The following PRKRIP1 variants were observed in gnomAD, a reference collection of about 807,000 sequenced individuals.
The protein encoded by PRKRIP1 is PRKR interacting protein 1.
A neutral mutation model predicts 29.3 loss-of-function variants in PRKRIP1; 29 were observed. The observed-to-expected ratio is 0.99, with a 90% CI of 0.74 to 1.35. The LOEUF (loss-of-function observed/expected upper bound fraction) is 1.35, where lower values mean the gene tolerates loss of function less well. Ranked by LOEUF, PRKRIP1 falls within the 40% of genes most tolerant of loss-of-function variation. The pLI is 0.00. For missense variants in PRKRIP1, 247 were observed against 236.8 expected (o/e 1.04, Z -0.28); for synonymous variants, 90 against 85.1 (o/e 1.06, Z -0.32).
At chr7:102,406,408 ATTG>A (rs1302383371) in intron 4 of PRKRIP1, among the ~76,000 whole-genome samples, 4 of 152,180 alleles carry the variant, frequency 2.6e-5, no homozygotes, top group Non-Finnish European at 5.9e-5. Context: ...GAAATGGTTC[ATTG>A]TTGTTGCGTA....
chr7:102,404,766 T>A, intron 4 of PRKRIP1, 83 bp downstream of exon 4: 1 of 991,276 alleles, frequency 1.0e-6, no homozygotes, highest in Non-Finnish European at 1.6e-6. Context: ...CAGTAGTAGT[T>A]CCTCTGCATG....
At chr7:102,412,883 G>T (rs1796427571) in intron 5 of PRKRIP1, among the ~76,000 whole-genome samples, 1 of 152,296 alleles carries the variant, frequency 6.6e-6, no homozygotes, top group South Asian at 2.1e-4. Context: ...TGGGACTTGT[G>T]TCTGAAATGA....
At chr7:102,407,761 A>G (rs1428293639) in intron 5 of PRKRIP1, among the ~76,000 whole-genome samples, 2 of 136,414 alleles carry the variant, frequency 1.5e-5, no homozygotes. Flanking sequence ...CAGTGACATT[A>G]TTGGTTATTG....
intron 2 of PRKRIP1, among the ~76,000 whole-genome samples, chr7:102,398,795 T>A (rs1409299626): frequency 6.6e-6 from 1 of 152,188 alleles, no homozygotes; most frequent in Non-Finnish European, 1.5e-5. Context: ...GTTTTCTTTA[T>A]ACTCTACTGT....
intron 3 of PRKRIP1, among the ~76,000 whole-genome samples, chr7:102,400,539 G>A (rs1269031854): frequency 6.6e-6 from 1 of 152,112 alleles, no homozygotes; most frequent in Non-Finnish European, 1.5e-5. Context: ...TTATCTGGTT[G>A]GGGTCACGGT....
chr7:102,422,291 C>CAGA (rs1338396936), intron 5 of PRKRIP1, among the ~76,000 whole-genome samples: 3 of 151,412 alleles, frequency 2.0e-5, no homozygotes, highest in Non-Finnish European at 4.4e-5. Context: ...TCTCCTGCTT[C>CAGA]AGCCTCCCAA....
At chr7:102,402,490 G>A (rs1554571292) in intron 3 of PRKRIP1, among the ~76,000 whole-genome samples, 1 of 152,032 alleles carries the variant, frequency 6.6e-6, no homozygotes, top group South Asian at 2.1e-4. Flanking sequence ...GAAAGGAAAA[G>A]AAACTACTAT....
chr7:102,421,958 G>GCCCGTC (rs1343689204), intron 5 of PRKRIP1, among the ~76,000 whole-genome samples: 1 of 151,934 alleles, frequency 6.6e-6, no homozygotes, highest in East Asian at 1.9e-4. Context: ...TGTATGAATG[G>GCCCGTC]CCCGTCATAT....
At chr7:102,404,494 C>CA in intron 3 of PRKRIP1, 104 bp from the exon 4 acceptor site, 1 of 872,848 alleles carries the variant, frequency 1.1e-6, no homozygotes, top group Non-Finnish European at 1.8e-6. Flanking sequence ...GCCTCCGTCA[C>CA]CCCCAGTGGT....
chr7:102,417,794 T>C (rs150149954), intron 5 of PRKRIP1, among the ~76,000 whole-genome samples: 19 of 151,910 alleles, frequency 1.3e-4, no homozygotes, highest in Non-Finnish European at 2.4e-4. Flanking sequence ...AGTTTTAAAA[T>C]TTTTTTGTAG....
At chr7:102,419,799 G>T (rs782035490) in intron 5 of PRKRIP1, among the ~76,000 whole-genome samples, 1 of 151,452 alleles carries the variant, frequency 6.6e-6, no homozygotes, top group African/African-American at 2.4e-5. Flanking sequence ...GGTGATTATG[G>T]ATAAAGCTTC....
chr7:102,419,892 TGTG>T (rs1563623636), intron 5 of PRKRIP1, among the ~76,000 whole-genome samples: 16 of 132,574 alleles, frequency 1.2e-4, no homozygotes, highest in African/African-American at 4.6e-4. Context: ...TGTGTGTGTG[TGTG>T]TTTTTGAGAT....
intron 4 of PRKRIP1, among the ~76,000 whole-genome samples, chr7:102,406,957 C>T (rs540488314): frequency 3.0e-4 from 45 of 151,764 alleles, no homozygotes; most frequent in South Asian, 1.0e-3. Flanking sequence ...GGCTCACACC[C>T]GTAATCCCAG....
At chr7:102,416,613 AG>A (rs1554573146) in intron 5 of PRKRIP1, among the ~76,000 whole-genome samples, 1 of 151,312 alleles carries the variant, frequency 6.6e-6, no homozygotes, top group Non-Finnish European at 1.5e-5. Flanking sequence ...AGGACCACAG[AG>A]GGAAAGCACC....
intron 2 of PRKRIP1, among the ~76,000 whole-genome samples, chr7:102,397,986 G>T (rs986833526): frequency 3.4e-4 from 51 of 152,002 alleles, no homozygotes; most frequent in African/African-American, 1.2e-3. Context: ...GGCGGAGCTT[G>T]CAGTGAGCCG....
At chr7:102,412,540 G>A (rs890802574) in intron 5 of PRKRIP1, among the ~76,000 whole-genome samples, 10 of 152,214 alleles carry the variant, frequency 6.6e-5, no homozygotes, top group Admixed American at 2.0e-4. Flanking sequence ...GGGTGACAGA[G>A]CAAGAGCCTG....
intron 5 of PRKRIP1, among the ~76,000 whole-genome samples, chr7:102,418,123 C>A (rs1796603222): frequency 1.3e-5 from 2 of 151,088 alleles, no homozygotes; most frequent in Admixed American, 1.3e-4. Flanking sequence ...GATCTCGGCT[C>A]ACTGCAACCT....
intron 5 of PRKRIP1, among the ~76,000 whole-genome samples, chr7:102,413,856 A>T (rs1208670342): frequency 6.6e-6 from 1 of 152,172 alleles, no homozygotes; most frequent in African/African-American, 2.4e-5. Flanking sequence ...GTGGCATTTT[A>T]CCCAGTATGC....
intron 5 of PRKRIP1, chr7:102,423,222 C>G (rs1438202379): frequency 2.3e-6 from 1 of 428,102 alleles, no homozygotes; most frequent in East Asian, 7.2e-5. Flanking sequence ...TCAAGTGATT[C>G]TCCTGCCTCA....
Sources: allele counts gnomAD v4.1 joint callset (sites outside exome capture counted in the v4.1 genomes callset), GRCh38; gene constraint gnomAD v4.1.1; transcripts MANE v1.5; gene names NCBI Gene and HGNC (gene_info 2026-07-23, HGNC 2026-07-21).